Variants in PLEKHM2 observed in about 807,000 individuals in gnomAD.
PLEKHM2 encodes pleckstrin homology domain-containing family M member 2.
A neutral mutation model predicts 116.3 loss-of-function variants in PLEKHM2; 77 were observed. The observed-to-expected ratio is 0.66, with a 90% CI of 0.55 to 0.80. The LOEUF is 0.80. Among genes scored for constraint, PLEKHM2 ranks in the 30% least tolerant of loss-of-function variants. The probability of loss-of-function intolerance (pLI) is 0.00; values close to 1 mark genes in which losing one functional copy is unlikely to be tolerated. For missense variants in PLEKHM2, 1,183 were observed against 1,354.9 expected, an observed-to-expected ratio of 0.87 and a Z score of 1.99; for synonymous variants, 562 against 571.0, an observed-to-expected ratio of 0.98 and a Z score of 0.22.
Position 15,728,843 on chromosome 1 carries a change from T to G in PLEKHM2, c.1986+110T>G. The G allele has an allele frequency of 9.5e-7, 1 of 1,054,770 alleles. No individual in the cohort carries two copies. The highest frequency in any genetic ancestry group is 1.4e-6 in the Non-Finnish European group (1 of 702,748). 65.3% of individuals were successfully genotyped at this position (1,054,770 alleles called of 1,614,324 possible). A position where few individuals can be genotyped will look rare whatever the true frequency, so the allele number is the denominator to read the frequency against. ...CGGCCCCTTACTCCCCTCCCGGGGT[T>G]GGGCACCAACTTAACTCTCAGAGAG... is the stretch of plus-strand genomic sequence containing the variant. On this transcript the variant is annotated intron_variant, in intron 12 of 19. Coordinates refer to ENST00000375799, the MANE Select transcript of PLEKHM2 (RefSeq NM_015164.4). This position sits in a 1 kb window ranked among gnomAD's most constrained non-coding sequence, Gnocchi z 5.9.
At chr1:15,705,920 A>G (rs1005271371) in intron 1 of PLEKHM2, among the ~76,000 whole-genome samples, 3 of 152,036 alleles carry the variant, frequency 2.0e-5, no homozygotes, top group African/African-American at 7.2e-5. Context: ...ATGAGACCCC[A>G]TCTCTACAAA....
Position 15,728,284 on chromosome 1 carries a change from C to T in PLEKHM2, c.1848C>T (p.Thr616=), listed in dbSNP as rs375314550. ...EQLFKMIRMS[T]GHMEGNLQLL... Reference sequence around the variant, plus strand: ...GCCCCCAGATGATCCGGATGAGCACCGGGCACATGGAGGGCAACCTGCAGC... The same window carrying T: ...GCCCCCAGATGATCCGGATGAGCACTGGGCACATGGAGGGCAACCTGCAGC... The change falls in exon 11 of 20, where the codon ACC becomes ACT. Residue 616 remains threonine, a synonymous_variant. Coordinates refer to ENST00000375799, the MANE Select transcript of PLEKHM2 (RefSeq NM_015164.4). The surrounding 1 kb of genome is among the most constrained non-coding windows in gnomAD (Gnocchi z 5.9). 7.7e-5 allele frequency: 125 copies of T among 1,613,188 alleles called. No homozygotes were observed. Among genetic ancestry groups the T allele is most frequent in the Non-Finnish European group, 9.7e-5 (114 of 1,179,840 alleles).
In PLEKHM2 at chr1:15,716,209, G is replaced by A. The variant is rs764747054; in HGVS notation, c.61-28G>A. On this transcript the variant is annotated intron_variant, in intron 1 of 19. Coordinates refer to ENST00000375799, the MANE Select transcript of PLEKHM2 (RefSeq NM_015164.4). The stretch of plus-strand genomic sequence containing the variant: ...GTAGCCTTCCTCTTAATCCATTTCT[G>A]ATTTGGAGGTGTTTTTTTTTCTTTC... 24 of 1,339,658 alleles carry A rather than the reference G, an allele frequency of 1.8e-5. 1 individual carries two copies. In the South Asian group the frequency reaches 2.9e-4, roughly 16 times the overall value. The allele number at this position is 1,339,658 out of a possible 1,614,324, so 83.0% of individuals were successfully genotyped here.
At chr1:15,695,959 C>T (rs1347517156) in intron 1 of PLEKHM2, among the ~76,000 whole-genome samples, 1 of 146,404 alleles carries the variant, frequency 6.8e-6, no homozygotes, top group East Asian at 2.0e-4. Context: ...TGCACCACCA[C>T]GTCCAACTAA....
In PLEKHM2 at chr1:15,721,317, T is replaced by C. The variant is rs1201127818; in HGVS notation, c.653-12T>C. 6.5e-7 allele frequency: 1 copy of C among 1,538,434 alleles called. No homozygotes were observed. The highest frequency in any genetic ancestry group is 1.4e-5 in the African/African-American group (1 of 72,772). On this transcript the variant is annotated splice_polypyrimidine_tract_variant and intron_variant, in intron 6 of 19. Coordinates refer to ENST00000375799, the MANE Select transcript of PLEKHM2 (RefSeq NM_015164.4). This position sits in a 1 kb window ranked among gnomAD's most constrained non-coding sequence, Gnocchi z 5.1. ...TGTTTCTAATCTTCAGTTTTGTCCC[T>C]CGTTTTTGTAGATTATGATTTTGGA...
chr1:15,713,512 C>G (rs2148353922), intron 1 of PLEKHM2, among the ~76,000 whole-genome samples: 1 of 152,302 alleles, frequency 6.6e-6, no homozygotes, highest in South Asian at 2.1e-4. Context: ...TGTCACTTAA[C>G]TAAAAACCAT....
At chr1:15,733,003 G>A (rs550069713) in intron 19 of PLEKHM2, among the ~76,000 whole-genome samples, 2 of 152,376 alleles carry the variant, frequency 1.3e-5, no homozygotes, top group African/African-American at 4.8e-5. Context: ...CAGCATTGCT[G>A]CCTCAAGGGC....
At chr1:15,730,846 C>T in intron 15 of PLEKHM2, 124 bp downstream of exon 15, 1 of 745,796 alleles carries the variant, frequency 1.3e-6, no homozygotes, top group Non-Finnish European at 2.2e-6. Context: ...GGACGCCTCC[C>T]TTCCCTACCA....
chr1:15,716,608 C>A, intron 2 of PLEKHM2, 99 bp from the exon 3 acceptor site: 1 of 1,218,238 alleles, frequency 8.2e-7, no homozygotes, highest in Non-Finnish European at 1.2e-6. Context: ...TGCTGGGGAT[C>A]CATCACTTCC....
rs931408627 is a variant in PLEKHM2 at position 15,725,261 on chromosome 1, G to A, written c.713-56G>A. The A allele has an allele frequency of 3.8e-6, 5 of 1,323,694 alleles. No homozygotes were observed. The African/African-American group carries it at 4.4e-5, about 12-fold the overall frequency. 82.0% of individuals were successfully genotyped at this position (1,323,694 alleles called of 1,614,324 possible). Reference sequence around the variant, plus strand: ...TCCTGGGCTAACGCATGCTCTGGGGGTCGGGGACCCCGGGGGGTGCCTGAC... The same window carrying A: ...TCCTGGGCTAACGCATGCTCTGGGGATCGGGGACCCCGGGGGGTGCCTGAC... On this transcript the variant is annotated intron_variant, in intron 7 of 19. Coordinates refer to ENST00000375799, the MANE Select transcript of PLEKHM2 (RefSeq NM_015164.4).
At chr1:15,694,713 C>T (rs1640956677) in intron 1 of PLEKHM2, among the ~76,000 whole-genome samples, 2 of 151,938 alleles carry the variant, frequency 1.3e-5, no homozygotes, top group African/African-American at 4.8e-5. Context: ...AAGCAGGTGG[C>T]CCTCTACACA....
intron 1 of PLEKHM2, among the ~76,000 whole-genome samples, chr1:15,715,420 T>A (rs1227775342): frequency 6.6e-6 from 1 of 152,092 alleles, no homozygotes; most frequent in Non-Finnish European, 1.5e-5. Context: ...AGTGGGTGGA[T>A]CACCTGAGGT....
At chr1:15,706,451 G>A (rs1350698443) in intron 1 of PLEKHM2, among the ~76,000 whole-genome samples, 1 of 152,134 alleles carries the variant, frequency 6.6e-6, no homozygotes, top group Non-Finnish European at 1.5e-5. Flanking sequence ...TGTTGCCCAG[G>A]CTGGAGTGCA....
At chr1:15,732,167 G>C in intron 17 of PLEKHM2, 119 bp downstream of exon 17, 1 of 1,050,094 alleles carries the variant, frequency 9.5e-7, no homozygotes. Context: ...ACCTCCAGGG[G>C]GCAGCCCAGG....
intron 1 of PLEKHM2, among the ~76,000 whole-genome samples, chr1:15,691,508 A>G (rs1640887407): frequency 6.6e-6 from 1 of 152,220 alleles, no homozygotes. Context: ...ACCATCTCTC[A>G]GTTCCTGGGT....
At chr1:15,723,364 T>G (rs2068019900) in intron 7 of PLEKHM2, 1 of 150,962 alleles carries the variant, frequency 6.6e-6, no homozygotes, top group Admixed American at 6.6e-5. Flanking sequence ...CTGGAAAAAG[T>G]CCCCGATGTT....
At chr1:15,690,176 C>T (rs12044328) in intron 1 of PLEKHM2, among the ~76,000 whole-genome samples, 1 of 151,826 alleles carries the variant, frequency 6.6e-6, no homozygotes, top group African/African-American at 2.4e-5. Flanking sequence ...AAGCAATTCT[C>T]GTGCCTCAAC....
chr1:15,715,205 G>A (rs1304526755), intron 1 of PLEKHM2, among the ~76,000 whole-genome samples: 4 of 152,214 alleles, frequency 2.6e-5, no homozygotes, highest in East Asian at 3.8e-4. Context: ...CCAGTCCATC[G>A]GCCCTTAGTA....
At position 15,729,504 on chromosome 1, in the gene PLEKHM2, C is replaced by T. The variant is rs995189695; in HGVS notation, c.2076-293C>T. ...TGCCCTTGAACGCCTGCATCCTTGT[C>T]GTGGCTCAAGGTCCCACCCGTTGAC... On this transcript the variant is annotated intron_variant, in intron 13 of 19. Coordinates refer to ENST00000375799, the MANE Select transcript of PLEKHM2 (RefSeq NM_015164.4). The surrounding 1 kb of genome is among the most constrained non-coding windows in gnomAD (Gnocchi z 4.7). Among the ~76,000 whole-genome samples, 1 of 152,176 alleles carries T rather than the reference C, an allele frequency of 6.6e-6. No homozygotes were observed. The highest frequency in any genetic ancestry group is 1.5e-5 in the Non-Finnish European group (1 of 68,020).
Sources: allele counts gnomAD v4.1 joint callset (sites outside exome capture counted in the v4.1 genomes callset), GRCh38; gene constraint gnomAD v4.1.1; non-coding constraint Gnocchi (gnomAD v3.1); transcripts MANE v1.5; gene names NCBI Gene and HGNC (gene_info 2026-07-23, HGNC 2026-07-21).